KIF9: variants seen among roughly 807,000 people sequenced by gnomAD.
KIF9 encodes kinesin-like protein KIF9.
Under a neutral mutation model 94.8 loss-of-function variants are expected in KIF9, and 68 were observed. The observed-to-expected ratio is 0.72, with a 90% CI of 0.59 to 0.88. The LOEUF is 0.88. Among genes scored for constraint, KIF9 ranks in the 40% least tolerant of loss-of-function variants. KIF9 has a pLI of 0.00. For synonymous variants in KIF9, 343 were observed against 362.1 expected (o/e 0.95, Z 0.60); for missense variants, 882 against 982.5 (o/e 0.90, Z 1.37).
At chr3:47,257,678 C>G (rs1408523294) in intron 9 of KIF9, 118 bp from the exon 10 acceptor site, 18 of 823,294 alleles carry the variant, frequency 2.2e-5, no homozygotes, top group Non-Finnish European at 3.5e-5. Context: ...CCTTGTCAAC[C>G]CATGTTGGTT....
intron 17 of KIF9, chr3:47,239,477 T>C (rs542126625): frequency 3.5e-6 from 3 of 850,240 alleles, no homozygotes; most frequent in Non-Finnish European, 4.4e-6. Context: ...CCCAGACCCG[T>C]GGAGGGCTTT....
chr3:47,281,056 T>C lies in KIF9; in HGVS notation c.-6+1439A>G. On this transcript the variant is annotated intron_variant, in intron 1 of 20. Transcript: ENST00000684063. ...GAAGGCAAGGATTGTGCTTTTTATC[T>C]CTTTTGAATCCCCTCACAATGTCCA... The C allele has an allele frequency of 4.3e-6, 3 of 702,930 alleles. No individual in the cohort carries two copies. The South Asian group carries it at 4.4e-5, about 10-fold the overall frequency. The allele number at this position is 702,930 out of a possible 1,614,324, so 43.5% of individuals were successfully genotyped here.
rs1559419184 is a variant in KIF9 at position 47,235,609 on chromosome 3, ATCT to A, written c.2223_2225del (p.Glu741del). 1 of 1,613,640 alleles carries A rather than the reference ATCT, an allele frequency of 6.2e-7. No individual in the cohort carries two copies. The highest frequency in any genetic ancestry group is 1.1e-5 in the South Asian group (1 of 91,072). ...GCAGCTGGCTGAATTTGTCCTGGTC[ATCT>A]TCTCCCTGGGGGAGGACAGTCCCTT... On this transcript the variant is annotated inframe_deletion, in exon 20 of 21. Coordinates refer to ENST00000684063, the MANE Select transcript of KIF9 (RefSeq NM_182902.4).
At chr3:47,233,691 G>A (rs1001451116) in intron 20 of KIF9, among the ~76,000 whole-genome samples, 9 of 150,696 alleles carry the variant, frequency 6.0e-5, no homozygotes, top group East Asian at 2.0e-4. Flanking sequence ...GCACAACACC[G>A]TCTCAAAAGA....
rs532338245 is a variant in KIF9 at position 47,247,373 on chromosome 3, G to A, written c.1233C>T (p.Asp411=). 1.8e-4 allele frequency: 288 copies of A among 1,608,480 alleles called. No individual in the cohort carries two copies. The highest frequency in any genetic ancestry group is 5.0e-4 in the Middle Eastern group (3 of 6,018). ...RYLEGTLDEI[D]IISLRQIKEV... ...TAGTGGTCACAGAGGGGTTCCTTAC[G>A]TCGATCTCGTCCAGTGTCCCCTCCA... The change falls in exon 12 of 21, where the codon GAC becomes GAT. Residue 411 remains aspartate (D), a splice_region_variant and synonymous_variant. Coordinates refer to ENST00000684063, the MANE Select transcript of KIF9 (RefSeq NM_182902.4).
At chr3:47,250,599 T>C in intron 10 of KIF9, 1 of 484,328 alleles carries the variant, frequency 2.1e-6, no homozygotes, top group Non-Finnish European at 4.2e-6. Flanking sequence ...GAACACACAA[T>C]CATCACACTC....
intron 10 of KIF9, among the ~76,000 whole-genome samples, chr3:47,251,981 A>T (rs1276160665): frequency 6.6e-6 from 1 of 152,174 alleles, no homozygotes; most frequent in African/African-American, 2.4e-5. Flanking sequence ...GAGCTTGTGG[A>T]AGAGGTGGAT....
At chr3:47,265,051 T>G (rs905848220) in intron 8 of KIF9, among the ~76,000 whole-genome samples, 1 of 152,222 alleles carries the variant, frequency 6.6e-6, no homozygotes, top group African/African-American at 2.4e-5. Context: ...ATGTCTATTG[T>G]TTAAGCCACT....
At chr3:47,280,434 T>C (rs1001939694) in intron 1 of KIF9, among the ~76,000 whole-genome samples, 2 of 152,206 alleles carry the variant, frequency 1.3e-5, no homozygotes, top group African/African-American at 4.8e-5. Flanking sequence ...CAGCTGGGCA[T>C]GGTGGCTCAC....
Position 47,277,332 on chromosome 3 carries a change from G to C in KIF9, c.43C>G (p.Pro15Ala), listed in dbSNP as rs767021149. ...ATTTCATGAGCAAAGTCATCGGTGG[G>C]TTTGACACGGACAAATGCATGAACT... ...KKVHAFVRVK[P>A]TDDFAHEMIR... Residue 15 changes from proline (P) to alanine (A), a missense_variant, in exon 2 of 21, where the codon CCC becomes GCC. By Grantham distance (27) the Pro-to-Ala change is conservative. Coordinates refer to ENST00000684063, the MANE Select transcript of KIF9 (RefSeq NM_182902.4). 1 of 1,614,014 alleles carries C rather than the reference G, an allele frequency of 6.2e-7. No individual in the cohort carries two copies. The highest frequency in any genetic ancestry group is 8.5e-7 in the Non-Finnish European group (1 of 1,179,970).
At chr3:47,228,744 G>C (rs1279943122) in intron 20 of KIF9, 42 bp from the exon 21 acceptor site, 1 of 1,535,658 alleles carries the variant, frequency 6.5e-7, no homozygotes. Context: ...TATTAGGAGG[G>C]ACAGACATAG....
At chr3:47,263,927 T>C (rs925371199) in intron 9 of KIF9, 14 of 466,194 alleles carry the variant, frequency 3.0e-5, no homozygotes, top group Admixed American at 1.9e-4. Flanking sequence ...TGTTTAAACA[T>C]GTGTGATTAT....
intron 7 of KIF9, 81 bp downstream of exon 7, chr3:47,266,895 C>T: frequency 9.8e-7 from 1 of 1,016,976 alleles, no homozygotes; most frequent in Non-Finnish European, 1.6e-6. Context: ...TCCAATGAGT[C>T]ATGGCCCAGA....
chr3:47,266,346 T>C (rs562690443), intron 7 of KIF9, among the ~76,000 whole-genome samples: 1 of 152,286 alleles, frequency 6.6e-6, no homozygotes, highest in East Asian at 1.9e-4. Flanking sequence ...CGAATACTCA[T>C]ATTCATTCAC....
rs1229639002 is a variant in KIF9, at chr3:47,247,465, A to G, written c.1141T>C (p.Phe381Leu). The change falls in exon 12 of 21, where the codon TTT becomes CTT. Residue 381 changes from phenylalanine (F) to leucine (L), a missense_variant. By Grantham distance (22) the Phe-to-Leu change is conservative. Transcript: ENST00000684063. The stretch of plus-strand genomic sequence containing the variant: ...TCATCCATGGGGTCATAGGTCACAA[A>G]GGTGCGGTTGGTCTTGAAGGAGGAT... ...AIHDSLTNRTFVTYDPMDEIQ... is the reference protein window; with the variant it reads ...AIHDSLTNRTLVTYDPMDEIQ... 1 of 1,613,336 alleles carries G rather than the reference A, an allele frequency of 6.2e-7. No homozygotes were observed. Among genetic ancestry groups the G allele is most frequent in the Non-Finnish European group, 8.5e-7 (1 of 1,179,314 alleles).
intron 1 of KIF9, among the ~76,000 whole-genome samples, chr3:47,281,933 C>T (rs1424596396): frequency 6.6e-6 from 1 of 152,182 alleles, no homozygotes; most frequent in Non-Finnish European, 1.5e-5. Flanking sequence ...CATGGGGAAC[C>T]CTCATAGCTA....
At chr3:47,249,654 C>T (rs1308299412) in intron 10 of KIF9, among the ~76,000 whole-genome samples, 1 of 152,132 alleles carries the variant, frequency 6.6e-6, no homozygotes, top group Non-Finnish European at 1.5e-5. Context: ...ATTGCTTGTC[C>T]GCTGCCCTGG....
rs115990706 is a variant in KIF9 at position 47,271,264 on chromosome 3, C to T, written c.564G>A (p.Glu188=). The stretch of plus-strand genomic sequence containing the variant: ...CAAAAAGGAGGCTGAATGCATCCTC[C>T]TCCTGACTTGTGAGGTGAACTGACA... ...KGLSVHLTSQ[E]EDAFSLLFEG... is the part of the protein sequence containing the mutation. Residue 188 remains glutamate, a synonymous_variant, in exon 5 of 21, where the codon GAG becomes GAA. Coordinates refer to ENST00000684063, the MANE Select transcript of KIF9 (RefSeq NM_182902.4). 1,346 of 1,613,878 alleles carry T rather than the reference C, an allele frequency of 8.3e-4. 22 individuals are homozygous for T. In the East Asian group the frequency reaches 0.029, roughly 35 times the overall value.
At chr3:47,240,081 A>T in intron 17 of KIF9, 1 of 490,808 alleles carries the variant, frequency 2.0e-6, no homozygotes, top group Non-Finnish European at 3.3e-6. Flanking sequence ...TCTGCACTTG[A>T]CCAGCCCTCT....
Sources: gnomAD v4.1 joint callset for allele counts (sites outside exome capture counted in the v4.1 genomes callset) on GRCh38, gnomAD v4.1.1 for gene constraint, MANE v1.5 for transcripts, NCBI Gene and HGNC (gene_info 2026-07-23, HGNC 2026-07-21) for gene names.